Variants in MTHFD2L observed in about 807,000 individuals in gnomAD.
The protein encoded by MTHFD2L is bifunctional methylenetetrahydrofolate dehydrogenase/cyclohydrolase 2, mitochondrial.
MTHFD2L carries 29 observed loss-of-function variants against 34.9 expected under a neutral mutation model. The observed-to-expected ratio is 0.83, with a 90% CI of 0.62 to 1.13. The LOEUF is 1.13. Among genes scored for constraint, MTHFD2L ranks in the 50% most tolerant of loss-of-function variants. The pLI, the probability that MTHFD2L is intolerant of heterozygous loss-of-function variation, is 0.00. For missense variants in MTHFD2L, 481 were observed against 446.5 expected (o/e 1.08, Z -0.70); for synonymous variants, 167 against 155.7 (o/e 1.07, Z -0.54).
chr4:74,159,255 C>T (rs535224982), intron 1 of MTHFD2L, among the ~76,000 whole-genome samples: 2 of 152,164 alleles, frequency 1.3e-5, no homozygotes, highest in Non-Finnish European at 2.9e-5. Flanking sequence ...TTTCTTGTGA[C>T]TAGGTCTTCC....
At chr4:74,230,411 G>A (rs1003315203) in intron 6 of MTHFD2L, among the ~76,000 whole-genome samples, 6 of 151,804 alleles carry the variant, frequency 4.0e-5, no homozygotes, top group Admixed American at 2.6e-4. Context: ...CCAACATGGT[G>A]AAACCCTGTC....
In MTHFD2L at chr4:74,136,504, C is replaced by A. The variant is rs567410284; in HGVS notation, c.-297+10987C>A. Among the ~76,000 whole-genome samples, 7 of 152,072 alleles carry A rather than the reference C, an allele frequency of 4.6e-5. No homozygotes were observed. The South Asian group carries it at 1.5e-3, about 32-fold the overall frequency. Reference sequence around the variant, plus strand: ...CACCAAAAAATTGGAAAAATATTCTCCGCTCATGGATTGGAAGACTTAATA... The same window carrying A: ...CACCAAAAAATTGGAAAAATATTCTACGCTCATGGATTGGAAGACTTAATA... On this transcript the variant is annotated intron_variant, in intron 1 of 7. Coordinates refer to the MTHFD2L transcript ENST00000433372.
chr4:74,247,910 A>G (rs1341603708), intron 6 of MTHFD2L, among the ~76,000 whole-genome samples: 2 of 152,110 alleles, frequency 1.3e-5, no homozygotes, highest in East Asian at 1.9e-4. Flanking sequence ...TTTTGCATCA[A>G]TGTTCATCAA....
At chr4:74,116,254 C>A (rs925482873) in intron 2 of MTHFD2L, among the ~76,000 whole-genome samples, 2 of 152,140 alleles carry the variant, frequency 1.3e-5, no homozygotes, top group Non-Finnish European at 2.9e-5. Flanking sequence ...AGTCTCACAC[C>A]AGGATGGCTA....
intron 7 of MTHFD2L, among the ~76,000 whole-genome samples, chr4:74,295,040 A>G (rs1749459537): frequency 6.6e-6 from 1 of 152,134 alleles, no homozygotes; most frequent in Non-Finnish European, 1.5e-5. Context: ...AGTTTTTCAT[A>G]TTACAAAAAT....
At chr4:74,244,081 G>A (rs1319538635) in intron 6 of MTHFD2L, among the ~76,000 whole-genome samples, 1 of 152,190 alleles carries the variant, frequency 6.6e-6, no homozygotes, top group Non-Finnish European at 1.5e-5. Flanking sequence ...GTTCTCAAAT[G>A]AAGAGTGAAG....
chr4:74,273,426 T>A (rs2069534387), intron 6 of MTHFD2L, among the ~76,000 whole-genome samples: 2 of 152,156 alleles, frequency 1.3e-5, no homozygotes, highest in South Asian at 2.1e-4. Context: ...TCACTTTTAT[T>A]TTTTTGCCTC....
chr4:74,138,616 A>G (rs1723096923), intron 1 of MTHFD2L, among the ~76,000 whole-genome samples: 1 of 152,204 alleles, frequency 6.6e-6, no homozygotes, highest in Admixed American at 6.5e-5. Flanking sequence ...TCGCTGGATC[A>G]GGAGCGCAGC....
At chr4:74,170,879 C>CA (rs751501754) in intron 1 of MTHFD2L, among the ~76,000 whole-genome samples, 29 of 145,580 alleles carry the variant, frequency 2.0e-4, no homozygotes, top group Admixed American at 7.3e-4. Context: ...ATCGCAAGGA[C>CA]AAAAAACCAA....
At chr4:74,210,251 C>T (rs773004212) in intron 5 of MTHFD2L, among the ~76,000 whole-genome samples, 10 of 152,164 alleles carry the variant, frequency 6.6e-5, no homozygotes, top group Admixed American at 2.6e-4. Context: ...GTTTCAGTCA[C>T]GAAGATATTG....
chr4:74,130,245 C>G (rs1342392298), intron 1 of MTHFD2L, among the ~76,000 whole-genome samples: 5 of 152,100 alleles, frequency 3.3e-5, no homozygotes, highest in Non-Finnish European at 5.9e-5. Context: ...ATGAGGTCAT[C>G]ATCACCCTGA....
intron 6 of MTHFD2L, among the ~76,000 whole-genome samples, chr4:74,232,382 T>C (rs1402823158): frequency 6.6e-6 from 1 of 152,048 alleles, no homozygotes; most frequent in East Asian, 1.9e-4. Context: ...CCGAGGCACT[T>C]AGATGAAAGG....
rs115554250 is a variant in MTHFD2L, at chr4:74,199,351, C to T, written c.452-443C>T. 6.9e-3 allele frequency among the ~76,000 whole-genome samples: 1,051 copies of T among 152,132 alleles called. 8 individuals carry two copies. Among genetic ancestry groups the T allele is most frequent in the African/African-American group, 0.024 (992 of 41,510 alleles). On this transcript the variant is annotated intron_variant, in intron 3 of 7. Coordinates refer to ENST00000325278, the MANE Select transcript of MTHFD2L (RefSeq NM_001144978.3). ...AAGCTAAGAACTCATGATGTTATGA[C>T]TATTCTTAACACTAACAAACCCCTT...
intron 1 of MTHFD2L, among the ~76,000 whole-genome samples, chr4:74,172,510 T>G (rs997823734): frequency 6.6e-6 from 1 of 152,234 alleles, no homozygotes; most frequent in Non-Finnish European, 1.5e-5. Flanking sequence ...GTGATTGTAT[T>G]GTCTAACCAA....
intron 1 of MTHFD2L, among the ~76,000 whole-genome samples, chr4:74,136,412 A>T (rs1722937021): frequency 6.6e-6 from 1 of 151,932 alleles, no homozygotes; most frequent in African/African-American, 2.4e-5. Flanking sequence ...GAATCAATTG[A>T]AACCAAAGAT....
intron 1 of MTHFD2L, among the ~76,000 whole-genome samples, chr4:74,133,872 A>G (rs1722723146): frequency 6.6e-6 from 1 of 152,220 alleles, no homozygotes; most frequent in South Asian, 2.1e-4. Context: ...AAAGAAATAC[A>G]CAGCAGCAAG....
intron 1 of MTHFD2L, among the ~76,000 whole-genome samples, chr4:74,167,641 A>C (rs1215998162): frequency 6.6e-6 from 1 of 152,146 alleles, no homozygotes; most frequent in African/African-American, 2.4e-5. Flanking sequence ...GACTTGGCAA[A>C]GTGGTTGGAG....
intron 6 of MTHFD2L, among the ~76,000 whole-genome samples, chr4:74,243,749 G>C (rs1374570628): frequency 3.3e-5 from 5 of 152,068 alleles, no homozygotes; most frequent in Non-Finnish European, 7.4e-5. Context: ...AACAAAGCTT[G>C]CAGGCAAGGT....
At chr4:74,259,754 A>G (rs192158074) in intron 6 of MTHFD2L, among the ~76,000 whole-genome samples, 16 of 152,336 alleles carry the variant, frequency 1.1e-4, no homozygotes, top group African/African-American at 3.8e-4. Context: ...AGAAGTAGGG[A>G]ATGAAAAAGC....
Sources: allele counts gnomAD v4.1 joint callset (sites outside exome capture counted in the v4.1 genomes callset), GRCh38; gene constraint gnomAD v4.1.1; transcripts MANE v1.5; gene names NCBI Gene and HGNC (gene_info 2026-07-23, HGNC 2026-07-21).